FHDC1: variants seen among roughly 807,000 people sequenced by gnomAD.
FHDC1 encodes the protein FH2 domain-containing protein 1.
A neutral mutation model predicts 52.6 loss-of-function variants in FHDC1; 25 were observed. The observed-to-expected ratio is 0.48, with a 90% CI of 0.35 to 0.66. The LOEUF is 0.66. FHDC1 is among the 30% of genes least tolerant of loss of function. The pLI is 0.01. For missense variants in FHDC1, 1,459 were observed against 1,452.8 expected, an observed-to-expected ratio of 1.00 and a Z score of -0.07; for synonymous variants, 616 against 581.5, an observed-to-expected ratio of 1.06 and a Z score of -0.85.
rs1739631078 is a variant in FHDC1 at position 152,943,283 on chromosome 4, C to T, written c.226C>T (p.Pro76Ser). ...TGGGGAGCCTCCCATCCCACCTCCC[C>T]CACCAGGCCTACCCCCAACTACTCA... ...LPGEPPIPPPPPGLPPTTHMN... is the reference protein window; with the variant it reads ...LPGEPPIPPPSPGLPPTTHMN... Residue 76 changes from proline (P) to serine (S), a missense_variant, in exon 2 of 12, where the codon CCA becomes TCA. Physicochemically the swap from Pro to Ser is moderately conservative, Grantham distance 74. Around this residue, in one of 3 missense-constraint regions of FHDC1, gnomAD observed 513 missense variants for 581.5 expected, o/e 0.88. Coordinates refer to ENST00000511601, the MANE Select transcript of FHDC1 (RefSeq NM_001371116.1). The T allele has an allele frequency of 6.2e-7, 1 of 1,611,812 alleles. No homozygotes were observed. Among genetic ancestry groups the T allele is most frequent in the African/African-American group, 1.3e-5 (1 of 74,660 alleles).
the FHDC1 span, among the ~76,000 whole-genome samples, chr4:152,921,580 TCCTTCCTCCCTCCCTCCCTC>T: frequency 7.2e-6 from 1 of 138,512 alleles, no homozygotes; most frequent in East Asian, 2.2e-4. Context: ...CTTCCTTCCT[TCCTTCCTCCCTCCCTCCCTC>T]CCTCCCTCCC....
At position 152,953,618 on chromosome 4, in the gene FHDC1, C is replaced by A. The variant is rs72970306; in HGVS notation, c.560+58C>A. The stretch of plus-strand genomic sequence containing the variant: ...ATATCCCTGCTGTCAGCATCAAAGT[C>A]TGTGGGTGTGACTGAGCTGGAATTC... On this transcript the variant is annotated intron_variant, in intron 3 of 11. Transcript: ENST00000511601. 1.9e-3 allele frequency: 2,776 copies of A among 1,443,600 alleles called. 36 individuals carry two copies. In the African/African-American group the frequency reaches 0.03, roughly 16 times the overall value. 89.4% of individuals were successfully genotyped at this position (1,443,600 alleles called of 1,614,324 possible).
Position 152,943,670 on chromosome 4 carries a change from C to T in FHDC1, c.498+115C>T, listed in dbSNP as rs1031645598. The T allele has an allele frequency of 1.8e-5, 23 of 1,254,722 alleles. No individual in the cohort carries two copies. The South Asian group carries it at 2.8e-4, about 15-fold the overall frequency. The allele number at this position is 1,254,722 out of a possible 1,614,324, so 77.7% of individuals were successfully genotyped here. A position where few individuals can be genotyped will look rare whatever the true frequency, so the allele number is the denominator to read the frequency against. ...CCCCTAAGAAATGAGATAATACAAG[C>T]GAATCTGCCTTGGAAATGCTAGGCA... On this transcript the variant is annotated intron_variant, in intron 2 of 11. Coordinates refer to ENST00000511601, the MANE Select transcript of FHDC1 (RefSeq NM_001371116.1).
At chr4:152,952,331 C>T (rs1004641285) in intron 2 of FHDC1, among the ~76,000 whole-genome samples, 35 of 152,064 alleles carry the variant, frequency 2.3e-4, no homozygotes, top group Admixed American at 3.3e-4. Flanking sequence ...AAATCTCACG[C>T]GATTCTTGTT....
At position 152,974,967 on chromosome 4, in the gene FHDC1, C is replaced by A. The variant is rs757990546; in HGVS notation, c.1676C>A (p.Thr559Asn). Reference protein sequence around the residue: ...RELLTFLESSTGSPEEPNKFH... With the variant: ...RELLTFLESSNGSPEEPNKFH... The stretch of plus-strand genomic sequence containing the variant: ...CTGCTGACCTTCTTGGAGAGCTCCA[C>A]CGGCAGCCCTGAGGAGCCCAATAAG... The change falls in exon 12 of 12, where the codon ACC becomes AAC. Residue 559 changes from threonine to asparagine, a missense_variant. This residue lies in a region of FHDC1 where 939 missense variants were observed against 854.5 expected (regional missense o/e 1.10). Transcript: ENST00000511601. 1 of 1,612,624 alleles carries A rather than the reference C, an allele frequency of 6.2e-7. No homozygotes were observed. Among genetic ancestry groups the A allele is most frequent in the East Asian group, 2.2e-5 (1 of 44,870 alleles).
the FHDC1 span, chr4:152,927,437 T>G: frequency 5.0e-6 from 4 of 794,084 alleles, no homozygotes; most frequent in Non-Finnish European, 7.0e-6. Context: ...GGCGATTGGT[T>G]GTTTCGTTAT....
chr4:152,944,294 A>C (rs1579082598), intron 2 of FHDC1, among the ~76,000 whole-genome samples: 1 of 152,282 alleles, frequency 6.6e-6, no homozygotes, highest in African/African-American at 2.4e-5. Flanking sequence ...TACATTTATA[A>C]GTATTGTCAG....
chr4:152,964,578 A>T (rs1740402406), intron 8 of FHDC1, among the ~76,000 whole-genome samples: 1 of 152,218 alleles, frequency 6.6e-6, no homozygotes, highest in Admixed American at 6.5e-5. Context: ...CGCTCATTTA[A>T]AGGCATGCTC....
At chr4:152,963,964 C>T (rs2149954312) in intron 8 of FHDC1, among the ~76,000 whole-genome samples, 1 of 152,060 alleles carries the variant, frequency 6.6e-6, no homozygotes, top group East Asian at 1.9e-4. Context: ...GTAGCTTTAA[C>T]CTGGGGAGGA....
At chr4:152,953,398 G>C in intron 2 of FHDC1, 101 bp from the exon 3 acceptor site, 1 of 858,100 alleles carries the variant, frequency 1.2e-6, no homozygotes, top group Non-Finnish European at 1.9e-6. Context: ...ATTATTCTCT[G>C]ATAAATTAGT....
chr4:152,947,076 G>A (rs778012428), intron 2 of FHDC1, among the ~76,000 whole-genome samples: 7 of 152,066 alleles, frequency 4.6e-5, no homozygotes, highest in South Asian at 4.2e-4. Context: ...AACATTAGCC[G>A]GGCATGATGT....
chr4:152,950,740 C>A (rs897979722), intron 2 of FHDC1, among the ~76,000 whole-genome samples: 7 of 152,202 alleles, frequency 4.6e-5, no homozygotes, highest in African/African-American at 1.7e-4. Context: ...TAGCTTCTTA[C>A]ACATCTGTCC....
the FHDC1 span, among the ~76,000 whole-genome samples, chr4:152,923,493 A>T: frequency 2.0e-5 from 3 of 152,204 alleles, no homozygotes; most frequent in Non-Finnish European, 4.4e-5. Flanking sequence ...TTCTTCACAG[A>T]ATTGGAAAAA....
the FHDC1 span, among the ~76,000 whole-genome samples, chr4:152,927,099 G>A: frequency 4.7e-4 from 71 of 152,344 alleles, no homozygotes; most frequent in African/African-American, 1.6e-3. Flanking sequence ...GCCTTCCATT[G>A]TCATGGAAGT....
the FHDC1 span, among the ~76,000 whole-genome samples, chr4:152,917,374 T>C: frequency 1.0e-3 from 159 of 152,314 alleles, 1 homozygote; most frequent in African/African-American, 3.5e-3. Flanking sequence ...TTATTTCCAA[T>C]CCAAAAATAT....
rs112231596 is a variant in FHDC1 at position 152,962,849 on chromosome 4, C to T, written c.886C>T (p.His296Tyr). The part of the protein sequence containing the change: ...MSCEELHSIL[H>Y]LVLQAGNIMN... ...ATGTGAAGAGCTACATTCAATATTA[C>T]ACTTGGTGCTCCAGGCTGGGAATAT... is the stretch of plus-strand genomic sequence containing the variant. The change falls in exon 7 of 12, where the codon CAC becomes TAC. Residue 296 changes from histidine to tyrosine, a missense_variant. By Grantham distance (83) the His-to-Tyr change is moderately conservative (BLOSUM62 2). This residue lies in a region of FHDC1 where 513 missense variants were observed against 581.5 expected (regional missense o/e 0.88). Transcript: ENST00000511601. 1.1e-5 allele frequency: 18 copies of T among 1,613,896 alleles called. No individual in the cohort carries two copies. The highest frequency in any genetic ancestry group is 1.4e-5 in the Non-Finnish European group (17 of 1,180,012).
At position 152,943,441 on chromosome 4, in the gene FHDC1, A is replaced by G. The variant is rs1189202187; in HGVS notation, c.384A>G (p.Gln128=). ...TLAARQEHHY[Q]IDTKTIEELF... ...CAGCCAGGCAGGAACATCACTACCA[A>G]ATTGATACAAAGACCATTGAGGAGC... The change falls in exon 2 of 12, where the codon CAA becomes CAG. Residue 128 remains glutamine, a synonymous_variant. Coordinates refer to ENST00000511601, the MANE Select transcript of FHDC1 (RefSeq NM_001371116.1). 1.2e-6 allele frequency: 2 copies of G among 1,613,934 alleles called. No individual in the cohort carries two copies. Among genetic ancestry groups the G allele is most frequent in the East Asian group, 2.2e-5 (1 of 44,896 alleles).
Position 152,943,381 on chromosome 4 carries a change from G to A in FHDC1, c.324G>A (p.Glu108=). The A allele has an allele frequency of 1.2e-6, 2 of 1,613,828 alleles. No individual in the cohort carries two copies. The highest frequency in any genetic ancestry group is 1.7e-6 in the Non-Finnish European group (2 of 1,179,996). Reference sequence around the variant, plus strand: ...TTTTTTGGAAAACTATTCCGGAGGAGCAAGTTCGAGGCAAAACCAACATCT... The same window carrying A: ...TTTTTTGGAAAACTATTCCGGAGGAACAAGTTCGAGGCAAAACCAACATCT... ...RSFFWKTIPE[E]QVRGKTNIWT... is the part of the protein sequence containing the mutation. The change falls in exon 2 of 12, where the codon GAG becomes GAA. Residue 108 remains glutamate (E), a synonymous_variant. Coordinates refer to ENST00000511601, the MANE Select transcript of FHDC1 (RefSeq NM_001371116.1).
In FHDC1 at chr4:152,954,283, G is replaced by A; in HGVS notation, c.627G>A (p.Leu209=). The part of the protein sequence containing the change: ...GKSEHYGSET[L]REFLKFLPES... Reference sequence around the variant, plus strand: ...GTGAGCATTATGGATCAGAGACCTTGCGAGAATTTCTTAAGTTTTTGCCAG... The same window carrying A: ...GTGAGCATTATGGATCAGAGACCTTACGAGAATTTCTTAAGTTTTTGCCAG... The change falls in exon 4 of 12, where the codon TTG becomes TTA. Residue 209 remains leucine, a synonymous_variant. Coordinates refer to ENST00000511601, the MANE Select transcript of FHDC1 (RefSeq NM_001371116.1). 1 of 1,614,186 alleles carries A rather than the reference G, an allele frequency of 6.2e-7. No individual in the cohort carries two copies. The highest frequency in any genetic ancestry group is 1.3e-5 in the African/African-American group (1 of 75,062).
Sources: gnomAD v4.1 joint callset for allele counts (sites outside exome capture counted in the v4.1 genomes callset) on GRCh38, gnomAD v4.1.1 for gene constraint, gnomAD v4.1.1 regional missense constraint, MANE v1.5 for transcripts, NCBI Gene and HGNC (gene_info 2026-07-23, HGNC 2026-07-21) for gene names.